ZC2HC1B: variants seen among roughly 807,000 people sequenced by gnomAD.
ZC2HC1B encodes the protein zinc finger C2HC-type containing 1B, also known as zinc finger C2HC domain-containing protein 1B.
Under a neutral mutation model 31.0 loss-of-function variants are expected in ZC2HC1B, and 36 were observed. That is an observed-to-expected ratio of 1.16 (90% confidence interval 0.89 to 1.54). ZC2HC1B has a LOEUF of 1.54. Among genes scored for constraint, ZC2HC1B ranks in the 40% most tolerant of loss-of-function variants. ZC2HC1B has a pLI of 0.00. For missense variants in ZC2HC1B, 260 were observed against 268.6 expected, an observed-to-expected ratio of 0.97 and a Z score of 0.22; for synonymous variants, 73 against 88.0, an observed-to-expected ratio of 0.83 and a Z score of 0.95.
chr6:143,909,520 T>C (rs1184473610), intron 6 of ZC2HC1B, among the ~76,000 whole-genome samples: 1 of 151,196 alleles, frequency 6.6e-6, no homozygotes, highest in East Asian at 1.9e-4. Context: ...TGAATCTCTC[T>C]GGTCCTGGGC....
At position 143,871,561 on chromosome 6, in the gene ZC2HC1B, T is replaced by C. The variant is rs1253752024; in HGVS notation, c.28+6994T>C. Among the ~76,000 whole-genome samples the C allele has an allele frequency of 1.3e-5, 2 of 152,194 alleles. No homozygotes were observed. Among genetic ancestry groups the C allele is most frequent in the Admixed American group, 1.3e-4 (2 of 15,284 alleles). On this transcript the variant is annotated intron_variant, in intron 1 of 7. Transcript: ENST00000237275. This position sits in a 1 kb window ranked among gnomAD's most constrained non-coding sequence, Gnocchi z 4.1. ...TGGAGTCATCACTTGGTTAAGCTTA[T>C]GATAATCCACTCTCATTCTTCCAGA...
At chr6:143,864,755 G>GA (rs982374763) in intron 1 of ZC2HC1B, among the ~76,000 whole-genome samples, 188 bp downstream of exon 1, 3 of 152,156 alleles carry the variant, frequency 2.0e-5, no homozygotes, top group Admixed American at 6.5e-5. Context: ...ACATTGGCTA[G>GA]AAAAAAATCT....
At chr6:143,876,066 C>G (rs1777405253) in intron 1 of ZC2HC1B, among the ~76,000 whole-genome samples, 1 of 150,714 alleles carries the variant, frequency 6.6e-6, no homozygotes, top group African/African-American at 2.4e-5. Context: ...CAAGGCTGTG[C>G]ATGCACCTTT....
At chr6:143,877,004 A>G (rs1201208189) in intron 1 of ZC2HC1B, among the ~76,000 whole-genome samples, 4 of 150,520 alleles carry the variant, frequency 2.7e-5, no homozygotes, top group African/African-American at 9.8e-5. Flanking sequence ...CCTTCAATTC[A>G]GTCAAGTTGA....
chr6:143,870,479 A>G lies in ZC2HC1B; in HGVS notation c.28+5912A>G, dbSNP rs534141600. 3.1e-3 allele frequency among the ~76,000 whole-genome samples: 474 copies of G among 152,286 alleles called. 5 individuals are homozygous for G. Among genetic ancestry groups the G allele is most frequent in the African/African-American group, 0.011 (458 of 41,562 alleles). On this transcript the variant is annotated intron_variant, in intron 1 of 7. Coordinates refer to ENST00000237275, the MANE Select transcript of ZC2HC1B (RefSeq NM_001013623.3). This position sits in a 1 kb window ranked among gnomAD's most constrained non-coding sequence, Gnocchi z 4.7. ...CCTTGGGCATTTGAGCCACTTCCTC[A>G]TGTAACTTACTTGTGCCTTTAGGAC...
chr6:143,871,683 A>G lies in ZC2HC1B; in HGVS notation c.28+7116A>G, dbSNP rs542935325. 1.2e-4 allele frequency among the ~76,000 whole-genome samples: 19 copies of G among 152,318 alleles called. No individual in the cohort carries two copies. Among genetic ancestry groups the G allele is most frequent in the African/African-American group, 4.6e-4 (19 of 41,578 alleles). ...TTTCAAGTCCTTGATGGTGGTACTA[A>G]TCGCCACAGTCTCTGCAGGGATGTG... On this transcript the variant is annotated intron_variant, in intron 1 of 7. Coordinates refer to ENST00000237275, the MANE Select transcript of ZC2HC1B (RefSeq NM_001013623.3). This position sits in a 1 kb window ranked among gnomAD's most constrained non-coding sequence, Gnocchi z 4.1.
In ZC2HC1B at chr6:143,884,442, C is replaced by A; in HGVS notation, c.90+77C>A. 1 of 1,368,750 alleles carries A rather than the reference C, an allele frequency of 7.3e-7. No homozygotes were observed. Among genetic ancestry groups the A allele is most frequent in the Non-Finnish European group, 1.0e-6 (1 of 1,003,666 alleles). 84.8% of individuals were successfully genotyped at this position (1,368,750 alleles called of 1,614,324 possible). A position where few individuals can be genotyped will look rare whatever the true frequency, so the allele number is the denominator to read the frequency against. ...TCAAGTCAGTGAGGAGGCGGCAGTG[C>A]AAAGATTAAAGACAGATGTGGAGGG... On this transcript the variant is annotated intron_variant, in intron 2 of 7. Transcript: ENST00000237275. This position sits in a 1 kb window ranked among gnomAD's most constrained non-coding sequence, Gnocchi z 5.1.
rs962297961 is a variant in ZC2HC1B at position 143,869,782 on chromosome 6, T to G, written c.28+5215T>G. On this transcript the variant is annotated intron_variant, in intron 1 of 7. Transcript: ENST00000237275. This position sits in a 1 kb window ranked among gnomAD's most constrained non-coding sequence, Gnocchi z 5.2. The stretch of plus-strand genomic sequence containing the variant: ...CAAATTGGGCACTCAGCAGTGGCTG[T>G]AGTCAGGTCAGCTTTGGTGAGTGGA... Among the ~76,000 whole-genome samples, 1 of 152,216 alleles carries G rather than the reference T, an allele frequency of 6.6e-6. No homozygotes were observed. Among genetic ancestry groups the G allele is most frequent in the Non-Finnish European group, 1.5e-5 (1 of 68,022 alleles).
intron 4 of ZC2HC1B, among the ~76,000 whole-genome samples, chr6:143,896,662 A>G (rs1777669224): frequency 6.6e-6 from 1 of 152,158 alleles, no homozygotes. Context: ...GGATTTTCAT[A>G]GTTAACTTTC....
intron 1 of ZC2HC1B, among the ~76,000 whole-genome samples, chr6:143,866,493 T>C (rs1777264719): frequency 6.6e-6 from 1 of 152,358 alleles, no homozygotes; most frequent in East Asian, 1.9e-4. Flanking sequence ...TTTCTCACCA[T>C]CATGGAAAAA....
rs1778150782 is a variant in ZC2HC1B, at chr6:143,934,015, G to C, written c.599-3634G>C. On this transcript the variant is annotated intron_variant, in intron 6 of 7. Coordinates refer to ENST00000237275, the MANE Select transcript of ZC2HC1B (RefSeq NM_001013623.3). The surrounding 1 kb of genome is among the most constrained non-coding windows in gnomAD (Gnocchi z 4.6). ...GGATGGCTTCCCTGGGCTTGAGCTG[G>C]AGAATGGGACTGCCTACAAGGCTTG... is the stretch of plus-strand genomic sequence containing the variant. 6.6e-6 allele frequency among the ~76,000 whole-genome samples: 1 copy of C among 152,184 alleles called. No homozygotes were observed. Among genetic ancestry groups the C allele is most frequent in the South Asian group, 2.1e-4 (1 of 4,830 alleles).
intron 6 of ZC2HC1B, among the ~76,000 whole-genome samples, chr6:143,929,375 A>T (rs568145405): frequency 2.2e-4 from 33 of 152,314 alleles, no homozygotes; most frequent in African/African-American, 6.3e-4. Flanking sequence ...TGATGTGATG[A>T]ATCACATTTA....
At chr6:143,888,565 C>A (rs1240039125) in intron 4 of ZC2HC1B, among the ~76,000 whole-genome samples, 1 of 151,914 alleles carries the variant, frequency 6.6e-6, no homozygotes, top group East Asian at 1.9e-4. Context: ...TCTTTAATTT[C>A]TTTTAGCAAA....
intron 6 of ZC2HC1B, among the ~76,000 whole-genome samples, chr6:143,930,642 G>C (rs1045964714): frequency 2.0e-5 from 3 of 152,052 alleles, no homozygotes; most frequent in Non-Finnish European, 2.9e-5. Context: ...CTCCCAAAGT[G>C]CTGGGATTAC....
rs1241489865 is a variant in ZC2HC1B, at chr6:143,937,707, T to TA, written c.663dup (p.Asp222ArgfsTer26). The TA allele has an allele frequency of 1.9e-6, 3 of 1,550,740 alleles. No homozygotes were observed. Among genetic ancestry groups the TA allele is most frequent in the Non-Finnish European group, 2.6e-6 (3 of 1,146,664 alleles). The stretch of plus-strand genomic sequence containing the variant: ...TCAGACAAGGATTTAGTAAATCTTC[T>TA]AAAAAAGATTAACTCCTAGAAGCCA... On this transcript the variant is annotated frameshift_variant, in exon 7 of 8. Transcript: ENST00000237275. LOFTEE classifies it high-confidence loss of function.
intron 6 of ZC2HC1B, among the ~76,000 whole-genome samples, chr6:143,910,381 T>G (rs945935401): frequency 1.3e-5 from 2 of 152,220 alleles, no homozygotes; most frequent in East Asian, 1.9e-4. Flanking sequence ...GTTTTACTTC[T>G]GATTATGTGA....
intron 6 of ZC2HC1B, 31 bp from the exon 7 acceptor site, chr6:143,937,618 C>T: frequency 6.6e-7 from 1 of 1,520,722 alleles, no homozygotes; most frequent in Non-Finnish European, 8.8e-7. Context: ...TCTGCTTTGA[C>T]ATAATAACAA....
intron 1 of ZC2HC1B, among the ~76,000 whole-genome samples, chr6:143,873,856 G>T (rs1777375176): frequency 2.0e-5 from 3 of 152,200 alleles, no homozygotes; most frequent in African/African-American, 2.4e-5. Context: ...TGCTGTGAAG[G>T]TCTCTGAAAT....
In ZC2HC1B at chr6:143,908,341, C is replaced by T. The variant is rs143120076; in HGVS notation, c.598+5189C>T. 1.2e-3 allele frequency among the ~76,000 whole-genome samples: 181 copies of T among 152,262 alleles called. 1 individual carries two copies. Among genetic ancestry groups the T allele is most frequent in the Non-Finnish European group, 2.3e-3 (159 of 68,020 alleles). ...GTCAATGGTAGTTTAATGGAAATTG[C>T]ATTGAATCTGTAAATTGCTTTGAGC... On this transcript the variant is annotated intron_variant, in intron 6 of 7. Transcript: ENST00000237275. The surrounding 1 kb of genome is among the most constrained non-coding windows in gnomAD (Gnocchi z 4.4).
Sources: gnomAD v4.1 joint callset for allele counts (sites outside exome capture counted in the v4.1 genomes callset) on GRCh38, gnomAD v4.1.1 for gene constraint, Gnocchi (gnomAD v3.1) non-coding constraint, MANE v1.5 for transcripts, NCBI Gene and HGNC (gene_info 2026-07-23, HGNC 2026-07-21) for gene names.